RIMS2: variants seen among roughly 807,000 people sequenced by gnomAD.
RIMS2 encodes regulating synaptic membrane exocytosis 2, also known as regulating synaptic membrane exocytosis protein 2.
A neutral mutation model predicts 174.4 loss-of-function variants in RIMS2; 59 were observed. The observed-to-expected ratio is 0.34, with a 90% CI of 0.27 to 0.42. The LOEUF is 0.42. Ranked by LOEUF, RIMS2 falls within the 10% of genes least tolerant of loss-of-function variation. The pLI is 1.00. For synonymous variants in RIMS2, 606 were observed against 572.5 expected, an observed-to-expected ratio of 1.06 and a Z score of -0.84; for missense variants, 1,620 against 1,666.3, an observed-to-expected ratio of 0.97 and a Z score of 0.48.
At chr8:103,824,651 C>T (rs2098775632) in intron 3 of RIMS2, among the ~76,000 whole-genome samples, 1 of 152,134 alleles carries the variant, frequency 6.6e-6, no homozygotes, top group African/African-American at 2.4e-5. Context: ...ACTCAATATG[C>T]AAAGCAGATA....
At chr8:103,857,718 T>C (rs2099035797) in intron 3 of RIMS2, among the ~76,000 whole-genome samples, 1 of 152,204 alleles carries the variant, frequency 6.6e-6, no homozygotes, top group South Asian at 2.1e-4. Context: ...AATTGGAAAA[T>C]CAGAATAATA....
At chr8:103,503,616 G>A (rs534827192) in intron 1 of RIMS2, among the ~76,000 whole-genome samples, 4 of 152,036 alleles carry the variant, frequency 2.6e-5, no homozygotes, top group Non-Finnish European at 4.4e-5. Flanking sequence ...ATGCATGTCT[G>A]CTGCCTTTTA....
At chr8:103,874,907 A>C (rs1365426831) in intron 3 of RIMS2, among the ~76,000 whole-genome samples, 1 of 152,046 alleles carries the variant, frequency 6.6e-6, no homozygotes, top group East Asian at 1.9e-4. Context: ...ATCTGGTTGC[A>C]TCTGCTTCCT....
At chr8:104,077,399 A>G (rs867714941) in intron 19 of RIMS2, among the ~76,000 whole-genome samples, 4 of 151,956 alleles carry the variant, frequency 2.6e-5, no homozygotes, top group African/African-American at 9.7e-5. Flanking sequence ...GGTAATCTTA[A>G]AAACAGGTGG....
chr8:104,161,342 A>G (rs1175206768), intron 19 of RIMS2, among the ~76,000 whole-genome samples: 1 of 152,170 alleles, frequency 6.6e-6, no homozygotes, highest in African/African-American at 2.4e-5. Flanking sequence ...TATTAGACTC[A>G]GAAATATGGA....
intron 17 of RIMS2, among the ~76,000 whole-genome samples, chr8:104,008,673 A>G (rs1230005399): frequency 6.6e-6 from 1 of 151,978 alleles, no homozygotes; most frequent in African/African-American, 2.4e-5. Context: ...TAATAAAATA[A>G]TAGGCTTGTG....
intron 3 of RIMS2, among the ~76,000 whole-genome samples, chr8:103,855,041 A>G (rs1031021283): frequency 1.3e-5 from 2 of 151,936 alleles, no homozygotes; most frequent in South Asian, 2.1e-4. Flanking sequence ...TCAGAGCTCA[A>G]TATTGGTCTA....
At chr8:103,937,164 A>C (rs2081464451) in intron 13 of RIMS2, among the ~76,000 whole-genome samples, 1 of 152,272 alleles carries the variant, frequency 6.6e-6, no homozygotes, top group East Asian at 1.9e-4. Context: ...AATATCTGCA[A>C]AGGTAGGCAC....
chr8:104,169,782 C>CATT, intron 19 of RIMS2, among the ~76,000 whole-genome samples: 1 of 151,898 alleles, frequency 6.6e-6, no homozygotes, highest in Non-Finnish European at 1.5e-5. Context: ...TCTATTTGTG[C>CATT]TCTTTCAGAC....
chr8:103,751,908 T>C lies in RIMS2; in HGVS notation c.388-14319T>C, dbSNP rs1157222293. On this transcript the variant is annotated intron_variant, in intron 2 of 23. Transcript: ENST00000504942. ...CCCATTTTGTAGGTTGCCTGTTCAC[T>C]CTGATGGTAGTTTCTTTTGCTGTGC... 5.3e-5 allele frequency among the ~76,000 whole-genome samples: 8 copies of C among 152,264 alleles called. 1 individual carries two copies. Among genetic ancestry groups the C allele is most frequent in the African/African-American group, 1.9e-4 (8 of 41,520 alleles).
chr8:103,963,962 T>C (rs1360200362), intron 15 of RIMS2, among the ~76,000 whole-genome samples: 9 of 152,206 alleles, frequency 5.9e-5, no homozygotes, highest in Admixed American at 5.9e-4. Flanking sequence ...GATAGGCATC[T>C]TTCACTTAGT....
At chr8:104,068,805 A>G (rs553207557) in intron 19 of RIMS2, among the ~76,000 whole-genome samples, 193 bp downstream of exon 23, 3 of 152,336 alleles carry the variant, frequency 2.0e-5, no homozygotes, top group African/African-American at 7.2e-5. Flanking sequence ...TAAAAAAACT[A>G]TTATAAAATA....
At chr8:103,936,571 C>T (rs1302140102) in exon 13 of RIMS2, 3 of 1,583,498 alleles carry the variant, frequency 1.9e-6, no homozygotes, top group African/African-American at 2.7e-5. Context: ...AAGAGAAGAA[C>T]TAAAACAGTA....
intron 3 of RIMS2, among the ~76,000 whole-genome samples, chr8:103,853,022 A>C (rs910488678): frequency 1.3e-5 from 2 of 152,110 alleles, no homozygotes; most frequent in Admixed American, 6.6e-5. Context: ...ATTCTTACCA[A>C]CAGTGTATAA....
At chr8:103,766,344 G>A (rs1358288737) in exon 3 of RIMS2, 1 of 1,613,456 alleles carries the variant, frequency 6.2e-7, no homozygotes, top group Non-Finnish European at 8.5e-7. Context: ...GGTTCTTCGA[G>A]GGCTAAGAAA....
At chr8:103,979,384 T>A (rs1031213729) in intron 16 of RIMS2, among the ~76,000 whole-genome samples, 1 of 152,154 alleles carries the variant, frequency 6.6e-6, no homozygotes, top group African/African-American at 2.4e-5. Context: ...CAATGTAAAC[T>A]AATACAGTCA....
chr8:103,975,411 G>A, exon 16 of RIMS2: 15 of 1,612,520 alleles, frequency 9.3e-6, no homozygotes, highest in Non-Finnish European at 1.2e-5. Flanking sequence ...AACAAGTAAT[G>A]TCATCAAACC....
chr8:103,870,074 G>T (rs1257562227), intron 3 of RIMS2, among the ~76,000 whole-genome samples: 1 of 151,106 alleles, frequency 6.6e-6, no homozygotes, highest in African/African-American at 2.4e-5. Context: ...GTACTAGGGG[G>T]TATCAGAGCC....
At chr8:103,557,147 T>C (rs2090638049) in intron 1 of RIMS2, among the ~76,000 whole-genome samples, 1 of 152,208 alleles carries the variant, frequency 6.6e-6, no homozygotes, top group Non-Finnish European at 1.5e-5. Context: ...CCTCAATAAA[T>C]GCTAGTAGAT....
Sources: gnomAD v4.1 joint callset for allele counts (sites outside exome capture counted in the v4.1 genomes callset) on GRCh38, gnomAD v4.1.1 for gene constraint, MANE v1.5 for transcripts, NCBI Gene and HGNC (gene_info 2026-07-23, HGNC 2026-07-21) for gene names.